The following DCC variants were observed in gnomAD, a reference collection of about 807,000 sequenced individuals.
The protein encoded by DCC is DCC netrin 1 receptor.
DCC carries 58 observed loss-of-function variants against 172.5 expected under a neutral mutation model. The ratio of observed to expected loss-of-function variants is 0.34; its 90% CI spans 0.27 to 0.42. The LOEUF is 0.42. DCC is among the 10% of genes least tolerant of loss of function. DCC has a pLI of 1.00. For synonymous variants in DCC, 709 were observed against 644.5 expected (o/e 1.10, Z -1.52); for missense variants, 1,740 against 1,791.0 (o/e 0.97, Z 0.51).
At chr18:53,452,940 G>C (rs2045434523) in intron 23 of DCC, among the ~76,000 whole-genome samples, 1 of 149,488 alleles carries the variant, frequency 6.7e-6, no homozygotes, top group South Asian at 2.1e-4. Flanking sequence ...TTTTGAGATG[G>C]AGTCTCACTC....
At chr18:53,003,904 G>C (rs1227640774) in intron 5 of DCC, among the ~76,000 whole-genome samples, 2 of 152,128 alleles carry the variant, frequency 1.3e-5, no homozygotes, top group East Asian at 3.9e-4. Flanking sequence ...GACAGTCAAA[G>C]GTCTACAAGG....
At chr18:52,664,374 T>C in intron 1 of DCC, among the ~76,000 whole-genome samples, 1 of 151,876 alleles carries the variant, frequency 6.6e-6, no homozygotes, top group Non-Finnish European at 1.5e-5. Context: ...TTTTTAAAAC[T>C]CAAGCAAATC....
chr18:52,765,523 G>T (rs1026722138), intron 2 of DCC, among the ~76,000 whole-genome samples: 21 of 152,012 alleles, frequency 1.4e-4, no homozygotes, highest in African/African-American at 5.1e-4. Flanking sequence ...CCACCTTCAG[G>T]AACCTTTAAC....
chr18:53,500,293 T>C (rs185949535), intron 27 of DCC, among the ~76,000 whole-genome samples: 25 of 150,636 alleles, frequency 1.7e-4, no homozygotes, highest in Admixed American at 1.4e-3. Flanking sequence ...AATAGATAAG[T>C]AGAGATAAAT....
intron 12 of DCC, among the ~76,000 whole-genome samples, chr18:53,264,449 C>G (rs112223667): frequency 7.0e-6 from 1 of 143,332 alleles, no homozygotes; most frequent in Non-Finnish European, 1.5e-5. Flanking sequence ...GCACTCCACC[C>G]TGGGCGAAAC....
At chr18:52,579,318 C>T (rs1795608526) in intron 1 of DCC, among the ~76,000 whole-genome samples, 1 of 152,040 alleles carries the variant, frequency 6.6e-6, no homozygotes, top group South Asian at 2.1e-4. Flanking sequence ...TAAGAAGGCT[C>T]CTTTGGAATA....
At chr18:52,900,269 G>A (rs1309949487) in intron 2 of DCC, among the ~76,000 whole-genome samples, 3 of 151,956 alleles carry the variant, frequency 2.0e-5, no homozygotes, top group African/African-American at 7.2e-5. Flanking sequence ...GGAACAAATT[G>A]GGGTTACGGC....
chr18:53,096,144 T>A (rs2043084951), intron 7 of DCC, among the ~76,000 whole-genome samples: 1 of 151,824 alleles, frequency 6.6e-6, no homozygotes, highest in Non-Finnish European at 1.5e-5. Flanking sequence ...ACCCTAAAAC[T>A]TAAAGTATAG....
chr18:52,739,467 T>C (rs960317119), intron 1 of DCC, among the ~76,000 whole-genome samples: 8 of 152,098 alleles, frequency 5.3e-5, no homozygotes, highest in African/African-American at 1.9e-4. Context: ...GTTTGCAACA[T>C]AATAAGGTAG....
At chr18:52,424,560 A>G (rs1156863489) in intron 1 of DCC, among the ~76,000 whole-genome samples, 3 of 152,110 alleles carry the variant, frequency 2.0e-5, no homozygotes, top group Non-Finnish European at 4.4e-5. Context: ...TAAATTATAG[A>G]TGTTTTGAGC....
chr18:52,397,320 T>G (rs1986268963), intron 1 of DCC, among the ~76,000 whole-genome samples: 2 of 152,084 alleles, frequency 1.3e-5, no homozygotes, highest in South Asian at 4.1e-4. Context: ...ATCACTCGCT[T>G]ATAGCATCTA....
chr18:52,511,600 T>C (rs2144648401), intron 1 of DCC, among the ~76,000 whole-genome samples: 1 of 151,880 alleles, frequency 6.6e-6, no homozygotes, highest in South Asian at 2.1e-4. Context: ...GAGAAGAGAG[T>C]TGCTGCTAAA....
chr18:52,668,857 T>C (rs1315347211), intron 1 of DCC, among the ~76,000 whole-genome samples: 1 of 152,258 alleles, frequency 6.6e-6, no homozygotes, highest in African/African-American at 2.4e-5. Flanking sequence ...TGCTCAACTC[T>C]TGTCTCTTCA....
intron 5 of DCC, among the ~76,000 whole-genome samples, chr18:52,944,046 C>G (rs1195126236): frequency 2.6e-5 from 4 of 152,206 alleles, no homozygotes; most frequent in Non-Finnish European, 5.9e-5. Context: ...GCATCAGCCA[C>G]CACCTCTGGC....
chr18:52,420,353 A>G (rs1301378224), intron 1 of DCC, among the ~76,000 whole-genome samples: 1 of 152,180 alleles, frequency 6.6e-6, no homozygotes, highest in Non-Finnish European at 1.5e-5. Context: ...CCTTAGAGGC[A>G]CAGTGCCAGG....
chr18:53,112,853 G>T (rs2043353136), intron 7 of DCC, among the ~76,000 whole-genome samples: 1 of 151,466 alleles, frequency 6.6e-6, no homozygotes, highest in Admixed American at 6.6e-5. Flanking sequence ...TTAGCTTTCA[G>T]CATCCAATTG....
At chr18:53,293,780 G>A (rs776273153) in intron 12 of DCC, among the ~76,000 whole-genome samples, 3 of 152,132 alleles carry the variant, frequency 2.0e-5, no homozygotes, top group Admixed American at 6.5e-5. Flanking sequence ...CTCAGCTGTT[G>A]TCCACTTTTC....
At chr18:52,903,282 T>C (rs1049934322) in intron 2 of DCC, among the ~76,000 whole-genome samples, 3 of 152,200 alleles carry the variant, frequency 2.0e-5, no homozygotes, top group Admixed American at 1.3e-4. Flanking sequence ...CTTAGCTCAC[T>C]GCAACCTCTG....
intron 21 of DCC, chr18:53,416,431 C>A: frequency 3.3e-6 from 2 of 607,318 alleles, no homozygotes; most frequent in Admixed American, 2.3e-5. Context: ...AATTTTTAGT[C>A]TCTGTCTGCA....
Sources: allele counts gnomAD v4.1 joint callset (sites outside exome capture counted in the v4.1 genomes callset), GRCh38; gene constraint gnomAD v4.1.1; transcripts MANE v1.5; gene names NCBI Gene and HGNC (gene_info 2026-07-23, HGNC 2026-07-21).